Variants in TMEM151A observed in about 807,000 individuals in gnomAD.
TMEM151A encodes the protein transmembrane protein 151.
In TMEM151A, 21 loss-of-function variants were observed where a neutral mutation model predicts 33.7. That is an observed-to-expected ratio of 0.62 (90% CI 0.44 to 0.90). The LOEUF (loss-of-function observed/expected upper bound fraction) is 0.90. Among genes scored for constraint, TMEM151A ranks in the 40% least tolerant of loss-of-function variants. TMEM151A has a pLI of 0.00. For synonymous variants in TMEM151A, 374 were observed against 330.3 expected (o/e 1.13, Z -1.43); for missense variants, 704 against 697.7 (o/e 1.01, Z -0.10).
At chr11:66,293,808 C>A (rs1405737218) in intron 1 of TMEM151A, among the ~76,000 whole-genome samples, 1 of 152,168 alleles carries the variant, frequency 6.6e-6, no homozygotes, top group Non-Finnish European at 1.5e-5. Context: ...GATGAGGGAC[C>A]TGCCCAAGTC....
At position 66,294,958 on chromosome 11, in the gene TMEM151A, C is replaced by T; in HGVS notation, c.712C>T (p.Gln238Ter). The change falls in exon 2 of 2, where the codon CAG (glutamine) becomes TAG (stop). Residue 238 changes from glutamine (Q) to a stop codon, truncating the protein, a stop_gained. Coordinates refer to ENST00000327259, the MANE Select transcript of TMEM151A (RefSeq NM_153266.4). LOFTEE classifies it high-confidence loss of function. ...SAEAEASYLT[Q>*]RARFFSANEG... ...GGAGGCCGAGGCCTCGTACCTCACG[C>T]AGCGGGCGCGCTTCTTCAGCGCCAA... is the stretch of plus-strand genomic sequence containing the variant. The T allele has an allele frequency of 6.4e-7, 1 of 1,565,190 alleles. No homozygotes were observed. The highest frequency in any genetic ancestry group is 8.6e-7 in the Non-Finnish European group (1 of 1,162,550).
Position 66,294,670 on chromosome 11 carries a change from C to T in TMEM151A, c.424C>T (p.Leu142=), listed in dbSNP as rs1857491721. 6 of 1,599,100 alleles carry T rather than the reference C, an allele frequency of 3.8e-6. No individual in the cohort carries two copies. Among genetic ancestry groups the T allele is most frequent in the Middle Eastern group, 1.7e-4 (1 of 6,020 alleles). Residue 142 remains leucine, a synonymous_variant, in exon 2 of 2, where the codon CTG becomes TTG. Coordinates refer to ENST00000327259, the MANE Select transcript of TMEM151A (RefSeq NM_153266.4). ...AHTVLALIRR[L]QQAPPCVWWK... ...CACGGTGCTGGCGCTGATCCGCCGG[C>T]TGCAGCAGGCGCCGCCGTGCGTCTG...
Position 66,294,721 on chromosome 11 carries a change from G to T in TMEM151A, c.475G>T (p.Val159Leu). Reference sequence around the variant, plus strand: ...GTGGAAGGCCACCAGCTATCACTACGTGCGGCGCACACGCCAGATCACGCG... The same window carrying T: ...GTGGAAGGCCACCAGCTATCACTACTTGCGGCGCACACGCCAGATCACGCG... ...VWWKATSYHY[V>L]RRTRQITRYR... The change falls in exon 2 of 2, where the codon GTG becomes TTG. Residue 159 changes from valine (V) to leucine (L), a missense_variant. Coordinates refer to ENST00000327259, the MANE Select transcript of TMEM151A (RefSeq NM_153266.4). The T allele has an allele frequency of 6.4e-7, 1 of 1,563,940 alleles. No homozygotes were observed. The highest frequency in any genetic ancestry group is 8.7e-7 in the Non-Finnish European group (1 of 1,155,276).
At position 66,293,913 on chromosome 11, in the gene TMEM151A, C is replaced by G. The variant is rs1290283193; in HGVS notation, c.76-409C>G. ...TCAGACCCCTTCCACCCTGGCTTCC[C>G]AAACCAACAGGACCAAGAATCAAGG... On this transcript the variant is annotated intron_variant, in intron 1 of 1. Coordinates refer to ENST00000327259, the MANE Select transcript of TMEM151A (RefSeq NM_153266.4). Among the ~76,000 whole-genome samples, 8 of 152,332 alleles carry G rather than the reference C, an allele frequency of 5.3e-5. No individual in the cohort carries two copies. The East Asian group carries it at 1.5e-3, about 29-fold the overall frequency.
At position 66,295,020 on chromosome 11, in the gene TMEM151A, C is replaced by A; in HGVS notation, c.774C>A (p.Gly258=). 1 of 1,598,466 alleles carries A rather than the reference C, an allele frequency of 6.3e-7. No individual in the cohort carries two copies. Among genetic ancestry groups the A allele is most frequent in the Non-Finnish European group, 8.5e-7 (1 of 1,178,870 alleles). ...GLDDYLEARE[G]MHLKDVDFRE... ...ACGACTATCTGGAGGCGCGCGAGGG[C>A]ATGCACCTGAAGGACGTAGACTTCC... Residue 258 remains glycine (G), a synonymous_variant, in exon 2 of 2, where the codon GGC becomes GGA. Transcript: ENST00000327259.
In TMEM151A at chr11:66,295,183, T is replaced by G; in HGVS notation, c.937T>G (p.Tyr313Asp). 3 of 1,586,914 alleles carry G rather than the reference T, an allele frequency of 1.9e-6. No individual in the cohort carries two copies. The highest frequency in any genetic ancestry group is 2.6e-6 in the Non-Finnish European group (3 of 1,169,856). The change falls in exon 2 of 2, where the codon TAC becomes GAC. Residue 313 changes from tyrosine to aspartate, a missense_variant. Coordinates refer to ENST00000327259, the MANE Select transcript of TMEM151A (RefSeq NM_153266.4). ...VAAYGTAHVH[Y>D]QVEKLFGASS... ...CGCCTATGGCACGGCTCACGTGCAC[T>G]ACCAGGTGGAGAAGCTCTTTGGCGC...
At position 66,294,597 on chromosome 11, in the gene TMEM151A, C is replaced by T. The variant is rs1244644254; in HGVS notation, c.351C>T (p.Cys117=). 1 of 1,612,918 alleles carries T rather than the reference C, an allele frequency of 6.2e-7. No individual in the cohort carries two copies. The highest frequency in any genetic ancestry group is 8.5e-7 in the Non-Finnish European group (1 of 1,179,518). ...TCTACCTCCTCTACCTGGCTGAGTG[C>T]TGGCACTGTCACGTGCGGTCCTGCC... ...SLLYLLYLAE[C]WHCHVRSCQA... The change falls in exon 2 of 2, where the codon TGC becomes TGT. Residue 117 remains cysteine, a synonymous_variant. Coordinates refer to ENST00000327259, the MANE Select transcript of TMEM151A (RefSeq NM_153266.4).
rs1296716753 is a variant in TMEM151A at position 66,295,307 on chromosome 11, G to C, written c.1061G>C (p.Arg354Pro). 1.9e-6 allele frequency: 3 copies of C among 1,584,550 alleles called. No individual in the cohort carries two copies. Among genetic ancestry groups the C allele is most frequent in the Non-Finnish European group, 1.7e-6 (2 of 1,166,070 alleles). Reference sequence around the variant, plus strand: ...CTCGAGTGGCACATCTGCTCCAACCGGCAGCTGGTGCCCAGCTACTCGGAG... The same window carrying C: ...CTCGAGTGGCACATCTGCTCCAACCCGCAGCTGGTGCCCAGCTACTCGGAG... ...TELEWHICSN[R>P]QLVPSYSEAV... is the part of the protein sequence containing the mutation. Residue 354 changes from arginine (R) to proline (P), a missense_variant, in exon 2 of 2, where the codon CGG becomes CCG. Physicochemically the swap from Arg to Pro is moderately radical, Grantham distance 103 (BLOSUM62 -2). Coordinates refer to ENST00000327259, the MANE Select transcript of TMEM151A (RefSeq NM_153266.4).
chr11:66,295,091 A>ACG lies in TMEM151A; in HGVS notation c.853_854dup (p.Trp286ProfsTer138). 1.3e-6 allele frequency: 2 copies of ACG among 1,595,816 alleles called. No individual in the cohort carries two copies. ...GCCGACCCCCGCAGCCCGCCCTGGT[A>ACG]CGCGCGCGCCTGGGTCTTCTGGCTC... On this transcript the variant is annotated frameshift_variant, in exon 2 of 2. Transcript: ENST00000327259. LOFTEE classifies it high-confidence loss of function.
At position 66,295,507 on chromosome 11, in the gene TMEM151A, A is replaced by G. The variant is rs1166711375; in HGVS notation, c.1261A>G (p.Ser421Gly). 7.2e-7 allele frequency: 1 copy of G among 1,393,142 alleles called. No individual in the cohort carries two copies. Among genetic ancestry groups the G allele is most frequent in the Non-Finnish European group, 9.3e-7 (1 of 1,073,596 alleles). 86.3% of individuals were successfully genotyped at this position (1,393,142 alleles called of 1,614,324 possible). The change falls in exon 2 of 2, where the codon AGC becomes GGC. Residue 421 changes from serine (S) to glycine (G), a missense_variant. Physicochemically the swap from Ser to Gly is moderately conservative, Grantham distance 56. Coordinates refer to ENST00000327259, the MANE Select transcript of TMEM151A (RefSeq NM_153266.4). ...CCGGGCCACGCCAGGGGTCTTCCGC[A>G]GCCTGAGCGGGGGGCCGCTGGGGCG... ...GGRATPGVFR[S>G]LSGGPLGRRG...
At position 66,294,651 on chromosome 11, in the gene TMEM151A, G is replaced by A. The variant is rs1857491470; in HGVS notation, c.405G>A (p.Val135=). The part of the protein sequence containing the change: ...CQAPRTDAHT[V]LALIRRLQQA... Reference sequence around the variant, plus strand: ...CGCCACGCACCGACGCCCACACGGTGCTGGCGCTGATCCGCCGGCTGCAGC... The same window carrying A: ...CGCCACGCACCGACGCCCACACGGTACTGGCGCTGATCCGCCGGCTGCAGC... The change falls in exon 2 of 2, where the codon GTG becomes GTA. Residue 135 remains valine, a synonymous_variant. Transcript: ENST00000327259. The A allele has an allele frequency of 1.2e-5, 19 of 1,606,210 alleles. No homozygotes were observed. The highest frequency in any genetic ancestry group is 4.5e-5 in the East Asian group (2 of 44,618).
rs779713971 is a variant in TMEM151A at position 66,295,144 on chromosome 11, C to T, written c.898C>T (p.Leu300=). 3.2e-6 allele frequency: 5 copies of T among 1,583,024 alleles called. No homozygotes were observed. Among genetic ancestry groups the T allele is most frequent in the Non-Finnish European group, 4.3e-6 (5 of 1,170,628 alleles). Residue 300 remains leucine, a synonymous_variant, in exon 2 of 2, where the codon CTG becomes TTG. Transcript: ENST00000327259. ...LVSAATLSWP[L]RVVAAYGTAH... ...GTCGGCGGCCACGCTGTCGTGGCCCCTGCGCGTCGTGGCCGCCTATGGCAC... is the reference window on the plus strand; with the variant it reads ...GTCGGCGGCCACGCTGTCGTGGCCCTTGCGCGTCGTGGCCGCCTATGGCAC...
At position 66,295,040 on chromosome 11, in the gene TMEM151A, A is replaced by T; in HGVS notation, c.794A>T (p.Asp265Val). 6.3e-7 allele frequency: 1 copy of T among 1,598,928 alleles called. No individual in the cohort carries two copies. The highest frequency in any genetic ancestry group is 8.5e-7 in the Non-Finnish European group (1 of 1,179,156). Residue 265 changes from aspartate (D) to valine (V), a missense_variant, in exon 2 of 2, where the codon GAC (aspartate) becomes GTC (valine). Around this residue, in one of 3 missense-constraint regions of TMEM151A, gnomAD observed 398 missense variants for 356.0 expected, o/e 1.12. Transcript: ENST00000327259. ...AREGMHLKDV[D>V]FRESLMVFAD... is the part of the protein sequence containing the mutation. The stretch of plus-strand genomic sequence containing the variant: ...GAGGGCATGCACCTGAAGGACGTAG[A>T]CTTCCGCGAGTCGCTCATGGTCTTC...
chr11:66,294,911 A>G lies in TMEM151A; in HGVS notation c.665A>G (p.Lys222Arg). 1.3e-6 allele frequency: 2 copies of G among 1,539,748 alleles called. No homozygotes were observed. Among genetic ancestry groups the G allele is most frequent in the Non-Finnish European group, 1.7e-6 (2 of 1,147,676 alleles). The change falls in exon 2 of 2, where the codon AAG (lysine) becomes AGG (arginine). Residue 222 changes from lysine (K) to arginine (R), a missense_variant. By Grantham distance (26) the Lys-to-Arg change is conservative. Coordinates refer to ENST00000327259, the MANE Select transcript of TMEM151A (RefSeq NM_153266.4). Reference sequence around the variant, plus strand: ...GCGGCCACGCGGCTGCGCTTCACCAAGTGCTTCAGCTTCGGCAGCGCGGAG... The same window carrying G: ...GCGGCCACGCGGCTGCGCTTCACCAGGTGCTTCAGCTTCGGCAGCGCGGAG... The part of the protein sequence containing the change: ...EHAATRLRFT[K>R]CFSFGSAEAE...
Position 66,294,414 on chromosome 11 carries a change from G to A in TMEM151A, c.168G>A (p.Gly56=). 6.2e-7 allele frequency: 1 copy of A among 1,611,592 alleles called. No individual in the cohort carries two copies. Among genetic ancestry groups the A allele is most frequent in the East Asian group, 2.2e-5 (1 of 44,862 alleles). ...TCACGCTGCTCATCCACGCCTGCGG[G>A]GCCGTGGTGGCCTGGTGTCGCCTGG... ...LLLTLLIHAC[G]AVVAWCRLAT... Residue 56 remains glycine (G), a synonymous_variant, in exon 2 of 2, where the codon GGG becomes GGA. Coordinates refer to ENST00000327259, the MANE Select transcript of TMEM151A (RefSeq NM_153266.4).
Position 66,294,406 on chromosome 11 carries a change from G to T in TMEM151A, c.160G>T (p.Ala54Ser). Residue 54 changes from alanine to serine, a missense_variant, in exon 2 of 2, where the codon GCC (alanine) becomes TCC (serine). By Grantham distance (99) the Ala-to-Ser change is moderately conservative. Transcript: ENST00000327259. The part of the protein sequence containing the change: ...KCLLLTLLIH[A>S]CGAVVAWCRL... Reference sequence around the variant, plus strand: ...CCTGCTCCTCACGCTGCTCATCCACGCCTGCGGGGCCGTGGTGGCCTGGTG... The same window carrying T: ...CCTGCTCCTCACGCTGCTCATCCACTCCTGCGGGGCCGTGGTGGCCTGGTG... The T allele has an allele frequency of 6.2e-7, 1 of 1,611,570 alleles. No individual in the cohort carries two copies.
At chr11:66,293,591 T>A (rs1857478218) in intron 1 of TMEM151A, among the ~76,000 whole-genome samples, 1 of 152,136 alleles carries the variant, frequency 6.6e-6, no homozygotes, top group South Asian at 2.1e-4. Flanking sequence ...TCCCCCGTTC[T>A]TGAGGCTCCC....
At position 66,294,462 on chromosome 11, in the gene TMEM151A, G is replaced by A. The variant is rs973535815; in HGVS notation, c.216G>A (p.Leu72=). The A allele has an allele frequency of 3.7e-6, 6 of 1,607,412 alleles. No individual in the cohort carries two copies. In the African/African-American group the frequency reaches 8.0e-5, roughly 21 times the overall value. Residue 72 remains leucine (L), a synonymous_variant, in exon 2 of 2, where the codon CTG becomes CTA. Transcript: ENST00000327259. The stretch of plus-strand genomic sequence containing the variant: ...TGGCCACAGTGCCGCGGCTGGTCCT[G>A]GGGCCCGAGGCCGCCTTGGCCCGGG... ...CRLATVPRLV[L]GPEAALARGA... is the part of the protein sequence containing the mutation.
chr11:66,294,329 C>T lies in TMEM151A; in HGVS notation c.83C>T (p.Pro28Leu). ...DGEPLREEQR[P>L]LKQSLGSSLC... ...TTCTCTGCCCACCTGCAGCAGCGGC[C>T]CCTGAAACAGTCCCTGGGAAGCTCC... Residue 28 changes from proline (P) to leucine (L), a missense_variant, in exon 2 of 2, where the codon CCC (proline) becomes CTC (leucine). Pro to Leu is a moderately conservative substitution (Grantham distance 98). This residue lies in a region of TMEM151A where 301 missense variants were observed against 323.4 expected (regional missense o/e 0.93). Transcript: ENST00000327259. 6.2e-7 allele frequency: 1 copy of T among 1,608,090 alleles called. No homozygotes were observed. The highest frequency in any genetic ancestry group is 1.7e-5 in the Admixed American group (1 of 59,960).
Sources: allele counts gnomAD v4.1 joint callset (sites outside exome capture counted in the v4.1 genomes callset), GRCh38; gene constraint gnomAD v4.1.1; regional missense constraint gnomAD v4.1.1; transcripts MANE v1.5; gene names NCBI Gene and HGNC (gene_info 2026-07-23, HGNC 2026-07-21).